The following SESN3 variants were observed in gnomAD, a reference collection of about 807,000 sequenced individuals.
The protein encoded by SESN3 is sestrin 3.
Under a neutral mutation model 55.3 loss-of-function variants are expected in SESN3, and 21 were observed. The ratio of observed to expected loss-of-function variants is 0.38; its 90% CI spans 0.27 to 0.55. The LOEUF (loss-of-function observed/expected upper bound fraction) is 0.55, where lower values mean the gene tolerates loss of function less well. Among genes scored for constraint, SESN3 ranks in the 20% least tolerant of loss-of-function variants. The pLI is 0.76. For synonymous variants in SESN3, 181 were observed against 203.1 expected (o/e 0.89, Z 0.93); for missense variants, 408 against 604.3 (o/e 0.68, Z 3.41).
Position 95,172,912 on chromosome 11 carries a change from G to T in SESN3, c.*343C>A, listed in dbSNP as rs561614296. ...ATTCTTAAAAAAAAAAGGGCGGGGT[G>T]GGGGGAGAAAAAATACACATACACA... On this transcript the variant is annotated 3_prime_UTR_variant, in exon 10 of 10. Coordinates refer to ENST00000536441, the MANE Select transcript of SESN3 (RefSeq NM_144665.4). 48 of 199,964 alleles carry T rather than the reference G, an allele frequency of 2.4e-4. No individual in the cohort carries two copies. The South Asian group carries it at 3.3e-3, about 14-fold the overall frequency. 12.4% of individuals were successfully genotyped at this position (199,964 alleles called of 1,614,324 possible).
chr11:95,213,555 G>A (rs904064116), intron 1 of SESN3, among the ~76,000 whole-genome samples: 1 of 152,158 alleles, frequency 6.6e-6, no homozygotes, highest in Non-Finnish European at 1.5e-5. Flanking sequence ...AGAGAACAAG[G>A]GAGGCAGGCT....
chr11:95,224,312 C>T (rs1213607203), intron 1 of SESN3: 6 of 288,318 alleles, frequency 2.1e-5, no homozygotes, highest in Non-Finnish European at 4.1e-5. Context: ...GTACATTTTG[C>T]GGTTTAAATG....
chr11:95,194,096 T>C (rs1445179050), intron 1 of SESN3, among the ~76,000 whole-genome samples: 1 of 152,128 alleles, frequency 6.6e-6, no homozygotes, highest in African/African-American at 2.4e-5. Flanking sequence ...CTATTGGTGG[T>C]ATTAACAACT....
In SESN3 at chr11:95,189,939, G is replaced by T; in HGVS notation, c.365C>A (p.Ser122Tyr). 1.2e-6 allele frequency: 2 copies of T among 1,606,774 alleles called. No individual in the cohort carries two copies. The highest frequency in any genetic ancestry group is 2.2e-5 in the South Asian group (2 of 89,692). ...ATCCACATGCATGTTTATTAAGTAAGAACACTGATGTCTAGCTGCAGCCTA... is the reference window on the plus strand; with the variant it reads ...ATCCACATGCATGTTTATTAAGTAATAACACTGATGTCTAGCTGCAGCCTA... ...AIMAAARHQC[S>Y]YLINMHVDEF... The change falls in exon 4 of 10, where the codon TCT becomes TAT. Residue 122 changes from serine (S) to tyrosine (Y), a missense_variant. By Grantham distance (144) the Ser-to-Tyr change is moderately radical (BLOSUM62 -2). Transcript: ENST00000536441.
chr11:95,211,822 G>C (rs1591071077), intron 1 of SESN3, among the ~76,000 whole-genome samples: 1 of 152,074 alleles, frequency 6.6e-6, no homozygotes. Context: ...GAGTTCCTTA[G>C]TATAACACAA....
At chr11:95,198,479 A>G (rs779512727) in intron 1 of SESN3, among the ~76,000 whole-genome samples, 7 of 152,174 alleles carry the variant, frequency 4.6e-5, no homozygotes, top group Non-Finnish European at 8.8e-5. Context: ...TTGAGGAATA[A>G]TATTGCTATG....
At chr11:95,206,158 A>C (rs1336816817) in intron 1 of SESN3, among the ~76,000 whole-genome samples, 1 of 152,100 alleles carries the variant, frequency 6.6e-6, no homozygotes, top group Non-Finnish European at 1.5e-5. Context: ...AAAGTGGTTT[A>C]TCTTCTCTTT....
At chr11:95,223,487 T>C (rs1860895905) in intron 1 of SESN3, among the ~76,000 whole-genome samples, 2 of 152,172 alleles carry the variant, frequency 1.3e-5, no homozygotes, top group Admixed American at 1.3e-4. Context: ...TCCTTCAAAG[T>C]GAAGGAACTT....
intron 9 of SESN3, 74 bp from the exon 10 acceptor site, chr11:95,173,415 T>C: frequency 1.1e-6 from 1 of 876,350 alleles, no homozygotes; most frequent in Non-Finnish European, 1.9e-6. Flanking sequence ...TTCACAAAGG[T>C]TTTTTTATGT....
At chr11:95,186,915 C>T (rs532798702) in intron 4 of SESN3, among the ~76,000 whole-genome samples, 95 of 151,736 alleles carry the variant, frequency 6.3e-4, no homozygotes, top group African/African-American at 2.2e-3. Flanking sequence ...TAAATGGTTG[C>T]AATATTGACT....
intron 4 of SESN3, among the ~76,000 whole-genome samples, chr11:95,187,069 T>C (rs552896350): frequency 2.6e-4 from 39 of 152,068 alleles, no homozygotes; most frequent in African/African-American, 9.1e-4. Flanking sequence ...CAGTGCCATA[T>C]TAATTTTTAA....
intron 3 of SESN3, among the ~76,000 whole-genome samples, chr11:95,190,768 C>T (rs898673186): frequency 6.6e-6 from 1 of 151,992 alleles, no homozygotes; most frequent in African/African-American, 2.4e-5. Context: ...ACAGCCCTGT[C>T]AGCCCAGTTT....
At chr11:95,174,463 T>A (rs112786804) in intron 9 of SESN3, among the ~76,000 whole-genome samples, 196 of 152,300 alleles carry the variant, frequency 1.3e-3, no homozygotes, top group African/African-American at 4.6e-3. Flanking sequence ...AAACACTAAA[T>A]TACCAAGTTT....
At position 95,167,475 on chromosome 11, in the gene SESN3, C is replaced by CCCCATATAT. The variant is rs563322416; in HGVS notation, c.*5779_*5780insATATATGGG. The stretch of plus-strand genomic sequence containing the variant: ...TCAGATATTCATTCTGTTTCCCCCC[C>CCCCATATAT]ATATATATAATTTTTCATTCTGTAC... On this transcript the variant is annotated 3_prime_UTR_variant, in exon 10 of 10. Transcript: ENST00000536441. 1.3e-5 allele frequency: 2 copies of CCCCATATAT among 150,816 alleles called. No individual in the cohort carries two copies. The highest frequency in any genetic ancestry group is 5.0e-5 in the African/African-American group (2 of 40,216). 9.3% of individuals were successfully genotyped at this position (150,816 alleles called of 1,614,324 possible). A position where few individuals can be genotyped will look rare whatever the true frequency, so the allele number is the denominator to read the frequency against.
At chr11:95,228,559 T>C (rs1369168266) in intron 1 of SESN3, among the ~76,000 whole-genome samples, 1 of 152,180 alleles carries the variant, frequency 6.6e-6, no homozygotes, top group Non-Finnish European at 1.5e-5. Context: ...TTATTAGAAA[T>C]AAACTTTTCA....
chr11:95,210,796 T>G (rs1165490850), intron 1 of SESN3, among the ~76,000 whole-genome samples: 1 of 152,148 alleles, frequency 6.6e-6, no homozygotes, highest in African/African-American at 2.4e-5. Flanking sequence ...AAAGTTAATT[T>G]GACAAAGTTC....
Position 95,193,450 on chromosome 11 carries a change from AACTT to A in SESN3, c.144+3_144+6del, listed in dbSNP as rs1397856631. On this transcript the variant is annotated splice_donor_5th_base_variant and intron_variant, in intron 2 of 9. Transcript: ENST00000536441. ...TACTTTTTATATTTTAAGACAGATA[AACTT>A]ACTTCCTTCTCTGGAATAAAGGCAC... 1 of 1,496,976 alleles carries A rather than the reference AACTT, an allele frequency of 6.7e-7. No individual in the cohort carries two copies. Among genetic ancestry groups the A allele is most frequent in the African/African-American group, 1.4e-5 (1 of 72,396 alleles). 92.7% of individuals were successfully genotyped at this position (1,496,976 alleles called of 1,614,324 possible). A position where few individuals can be genotyped will look rare whatever the true frequency, so the allele number is the denominator to read the frequency against.
At chr11:95,180,455 G>A (rs992830454) in intron 6 of SESN3, among the ~76,000 whole-genome samples, 10 of 151,918 alleles carry the variant, frequency 6.6e-5, no homozygotes, top group Non-Finnish European at 1.3e-4. Context: ...TAAGTGCTCC[G>A]GTTACCCAAT....
In SESN3 at chr11:95,185,291, T is replaced by G. The variant is rs769670132; in HGVS notation, c.727A>C (p.Ile243Leu). The change falls in exon 5 of 10, where the codon ATA becomes CTA. Residue 243 changes from isoleucine to leucine, a missense_variant. Coordinates refer to ENST00000536441, the MANE Select transcript of SESN3 (RefSeq NM_144665.4). ...CVCDLANDNN[I>L]ENASLSGSNF... The stretch of plus-strand genomic sequence containing the variant: ...CTGCCTGAAAGAGATGCATTCTCTA[T>G]GTTGTTGTCATTAGCAAGATCACAA... 6.2e-7 allele frequency: 1 copy of G among 1,612,544 alleles called. No homozygotes were observed. The highest frequency in any genetic ancestry group is 1.1e-5 in the South Asian group (1 of 91,028).
Sources: allele counts gnomAD v4.1 joint callset (sites outside exome capture counted in the v4.1 genomes callset), GRCh38; gene constraint gnomAD v4.1.1; transcripts MANE v1.5; gene names NCBI Gene and HGNC (gene_info 2026-07-23, HGNC 2026-07-21).